The following ADGRL2 variants were observed in gnomAD, a reference collection of about 807,000 sequenced individuals.
The protein encoded by ADGRL2 is adhesion G protein-coupled receptor L2.
A neutral mutation model predicts 157.4 loss-of-function variants in ADGRL2; 44 were observed. The ratio of observed to expected loss-of-function variants is 0.28; its 90% confidence interval spans 0.22 to 0.36. The LOEUF is 0.36. Among genes scored for constraint, ADGRL2 ranks in the 10% least tolerant of loss-of-function variants. The pLI, the probability that ADGRL2 is intolerant of heterozygous loss-of-function variation, is 1.00. For missense variants in ADGRL2, 1,510 were observed against 1,768.9 expected (o/e 0.85, Z 2.63); for synonymous variants, 585 against 624.7 (o/e 0.94, Z 0.95).
chr1:81,578,461 T>A (rs966738327), intron 2 of ADGRL2, among the ~76,000 whole-genome samples: 6 of 152,180 alleles, frequency 3.9e-5, no homozygotes, highest in Non-Finnish European at 4.4e-5. Context: ...GTGGTTGTAA[T>A]ACTGTTAATG....
At chr1:81,837,099 C>T in intron 2 of ADGRL2, 42 bp downstream of exon 2, 1 of 1,141,902 alleles carries the variant, frequency 8.8e-7, no homozygotes. Context: ...TCCAGGAGAA[C>T]TTGAACTATA....
At chr1:81,502,942 C>G in intron 2 of ADGRL2, 1 of 1,612,414 alleles carries the variant, frequency 6.2e-7, no homozygotes, top group Non-Finnish European at 8.5e-7. Context: ...AGCAACCACT[C>G]TCAGGAAAGG....
chr1:81,888,590 C>T (rs972891706), intron 2 of ADGRL2, among the ~76,000 whole-genome samples: 1 of 152,144 alleles, frequency 6.6e-6, no homozygotes, highest in South Asian at 2.1e-4. Context: ...AGGCGCCCGC[C>T]ACCGCGCCCG....
intron 17 of ADGRL2, among the ~76,000 whole-genome samples, chr1:81,978,232 C>T (rs985008914): frequency 1.3e-5 from 2 of 151,612 alleles, no homozygotes; most frequent in Admixed American, 6.6e-5. Flanking sequence ...ATCCACAATA[C>T]AATAAGCACA....
chr1:81,390,247 C>T (rs192928291), intron 1 of ADGRL2, among the ~76,000 whole-genome samples: 10 of 152,412 alleles, frequency 6.6e-5, no homozygotes, highest in Non-Finnish European at 1.0e-4. Context: ...ATGTAGCAAA[C>T]GTTTGAAACC....
intron 1 of ADGRL2, among the ~76,000 whole-genome samples, chr1:81,712,787 G>C (rs941917694): frequency 8.3e-6 from 1 of 119,902 alleles, no homozygotes; most frequent in Non-Finnish European, 1.6e-5. Context: ...TTTTGAGACA[G>C]AGTTTAGCTC....
At chr1:81,832,283 AG>A (rs2091997095) in intron 1 of ADGRL2, among the ~76,000 whole-genome samples, 1 of 152,122 alleles carries the variant, frequency 6.6e-6, no homozygotes, top group Admixed American at 6.6e-5. Context: ...CTGGGATTAC[AG>A]GCATGCACCA....
chr1:81,953,010 C>T lies in ADGRL2; in HGVS notation c.1818C>T (p.Cys606=). Residue 606 remains cysteine (C), a synonymous_variant, in exon 10 of 24, where the codon TGC becomes TGT. Coordinates refer to ENST00000686636, the MANE Select transcript of ADGRL2 (RefSeq NM_001366006.2). ...AGCTCCAAAAACGAGAGAAGACATGCAGGGCTTACCTTAAGGTATCTCTCC... is the reference window on the plus strand; with the variant it reads ...AGCTCCAAAAACGAGAGAAGACATGTAGGGCTTACCTTAAGGTATCTCTCC... ...YNKLQKREKT[C]RAYLKAIVDT... The T allele has an allele frequency of 6.2e-7, 1 of 1,611,792 alleles. No individual in the cohort carries two copies. Among genetic ancestry groups the T allele is most frequent in the East Asian group, 2.2e-5 (1 of 44,842 alleles).
chr1:81,565,726 C>T (rs2080544611), intron 2 of ADGRL2, among the ~76,000 whole-genome samples: 2 of 152,036 alleles, frequency 1.3e-5, no homozygotes, highest in African/African-American at 4.8e-5. Flanking sequence ...GAGTGTAGGC[C>T]CCTGATGGAC....
At chr1:81,687,255 A>T (rs970275103) in intron 3 of ADGRL2, among the ~76,000 whole-genome samples, 1 of 152,100 alleles carries the variant, frequency 6.6e-6, no homozygotes, top group Admixed American at 6.6e-5. Flanking sequence ...GTCCCCCACT[A>T]TTATTGTGTT....
At chr1:81,462,812 A>C (rs1433660885) in intron 2 of ADGRL2, among the ~76,000 whole-genome samples, 1 of 152,102 alleles carries the variant, frequency 6.6e-6, no homozygotes. Context: ...AAGGGTAAAA[A>C]AATTAGGACA....
intron 3 of ADGRL2, among the ~76,000 whole-genome samples, chr1:81,633,989 G>A (rs1427735644): frequency 6.6e-6 from 1 of 152,086 alleles, no homozygotes; most frequent in South Asian, 2.1e-4. Context: ...AAAGCCATAA[G>A]ACTGTATGAG....
At chr1:81,424,030 A>G (rs2101566339) in intron 1 of ADGRL2, among the ~76,000 whole-genome samples, 1 of 152,338 alleles carries the variant, frequency 6.6e-6, no homozygotes, top group Admixed American at 6.5e-5. Context: ...ATATTTTAGC[A>G]TTATATCGCA....
chr1:81,619,279 T>G (rs1325622268), intron 3 of ADGRL2, among the ~76,000 whole-genome samples: 1 of 151,742 alleles, frequency 6.6e-6, no homozygotes, highest in Non-Finnish European at 1.5e-5. Flanking sequence ...TTGTGGCTTT[T>G]TTTTTTTTTT....
chr1:81,428,045 C>A (rs1557681656), intron 1 of ADGRL2, among the ~76,000 whole-genome samples: 1 of 152,092 alleles, frequency 6.6e-6, no homozygotes, highest in Non-Finnish European at 1.5e-5. Flanking sequence ...TAACAAAATG[C>A]AGTTTTGAAG....
chr1:81,951,977 T>A lies in ADGRL2; in HGVS notation c.1629T>A (p.Ala543=). 1 of 1,607,908 alleles carries A rather than the reference T, an allele frequency of 6.2e-7. No homozygotes were observed. Among genetic ancestry groups the A allele is most frequent in the Non-Finnish European group, 8.5e-7 (1 of 1,176,938 alleles). The part of the protein sequence containing the change: ...LAQKIRSGEN[A]ASLANELAKH... ...TTCAGATCAGAAGCGGAGAAAATGC[T>A]GCTAGTCTTGCCAATGAACTGGCTA... is the stretch of plus-strand genomic sequence containing the variant. Residue 543 remains alanine (A), a synonymous_variant, in exon 9 of 24, where the codon GCT becomes GCA. Transcript: ENST00000686636.
At chr1:81,427,628 G>T in intron 1 of ADGRL2, 2 of 637,800 alleles carry the variant, frequency 3.1e-6, no homozygotes, top group Non-Finnish European at 5.8e-6. Flanking sequence ...GCAGAAAAGG[G>T]CTGCAGCTCT....
intron 2 of ADGRL2, among the ~76,000 whole-genome samples, chr1:81,843,909 T>G (rs2092692027): frequency 6.6e-6 from 1 of 152,150 alleles, no homozygotes; most frequent in Non-Finnish European, 1.5e-5. Context: ...CTCTTTTGCC[T>G]CTTTTTCATT....
chr1:81,758,531 T>A (rs914061182), intron 1 of ADGRL2, among the ~76,000 whole-genome samples: 1 of 152,218 alleles, frequency 6.6e-6, no homozygotes, highest in Admixed American at 6.5e-5. Context: ...CTGCTGAATA[T>A]GCTGTTTGCA....
Sources: allele counts gnomAD v4.1 joint callset (sites outside exome capture counted in the v4.1 genomes callset), GRCh38; gene constraint gnomAD v4.1.1; transcripts MANE v1.5; gene names NCBI Gene and HGNC (gene_info 2026-07-23, HGNC 2026-07-21).